Variants in HYDIN observed in about 807,000 individuals in gnomAD.
The protein encoded by HYDIN is HYDIN axonemal central pair apparatus protein, also known as axonemal central pair apparatus protein HYDIN.
Under a neutral mutation model 403.9 loss-of-function variants are expected in HYDIN, and 132 were observed. The ratio of observed to expected loss-of-function variants is 0.33; its 90% CI spans 0.28 to 0.38. The LOEUF (loss-of-function observed/expected upper bound fraction) is 0.38. Among genes scored for constraint, HYDIN ranks in the 10% least tolerant of loss-of-function variants. The pLI is 1.00. For missense variants in HYDIN, 2,827 were observed against 5,009.5 expected, an observed-to-expected ratio of 0.56 and a Z score of 13.15; for synonymous variants, 1,202 against 1,891.7, an observed-to-expected ratio of 0.64 and a Z score of 9.46.
chr16:70,895,903 T>A, intron 54 of HYDIN, 78 bp downstream of exon 54: 1 of 1,483,690 alleles, frequency 6.7e-7, no homozygotes, highest in East Asian at 2.3e-5. Context: ...AACAACACAC[T>A]AGCCTTTCTC....
At chr16:70,930,321 A>C (rs1597349923) in intron 45 of HYDIN, among the ~76,000 whole-genome samples, 1 of 152,244 alleles carries the variant, frequency 6.6e-6, no homozygotes, top group Non-Finnish European at 1.5e-5. Flanking sequence ...TCTCTACTAA[A>C]AATACAAAAA....
chr16:70,812,182 G>T (rs1406837539), intron 84 of HYDIN, among the ~76,000 whole-genome samples: 1 of 112,372 alleles, frequency 8.9e-6, no homozygotes, highest in Non-Finnish European at 1.8e-5. Context: ...TGGGTACAAA[G>T]TCATTATACA....
At chr16:71,178,644 T>A (rs924175373) in intron 4 of HYDIN, among the ~76,000 whole-genome samples, 3 of 151,956 alleles carry the variant, frequency 2.0e-5, no homozygotes, top group Non-Finnish European at 4.4e-5. Context: ...TTGTCATACA[T>A]AAGAACCCCG....
chr16:71,032,638 C>T (rs2080956114), intron 18 of HYDIN, among the ~76,000 whole-genome samples: 1 of 118,586 alleles, frequency 8.4e-6, no homozygotes. Context: ...ACCTGTTGCT[C>T]CTAGGCTGAA....
chr16:71,181,582 G>C (rs2086907468), intron 3 of HYDIN, among the ~76,000 whole-genome samples: 1 of 151,968 alleles, frequency 6.6e-6, no homozygotes, highest in African/African-American at 2.4e-5. Context: ...CTGGCTAATT[G>C]AATTTCTGCC....
In HYDIN at chr16:70,804,860, C is replaced by A. The variant is rs896076152; in HGVS notation, c.*2720G>T. Among the ~76,000 whole-genome samples the A allele has an allele frequency of 4.6e-5, 7 of 152,180 alleles. No homozygotes were observed. The highest frequency in any genetic ancestry group is 1.7e-4 in the African/African-American group (7 of 41,460). On this transcript the variant is annotated 3_prime_UTR_variant, in exon 86 of 86. Coordinates refer to ENST00000393567, the MANE Select transcript of HYDIN (RefSeq NM_001270974.2). ...TTTATAAAATGTATATGGACAGCTT[C>A]AGTGGCTTGGGGAAGCACTGGAACA... is the stretch of plus-strand genomic sequence containing the variant.
intron 78 of HYDIN, 80 bp from the exon 79 acceptor site, chr16:70,834,244 C>A: frequency 1.2e-6 from 1 of 848,026 alleles, no homozygotes; most frequent in South Asian, 1.7e-5. Context: ...CTTGCTGCTG[C>A]GATTGGAACA....
rs545962685 is a variant in HYDIN at position 71,058,864 on chromosome 16, T to A, written c.2529+1640A>T. On this transcript the variant is annotated intron_variant, in intron 18 of 85. Coordinates refer to ENST00000393567, the MANE Select transcript of HYDIN (RefSeq NM_001270974.2). Reference sequence around the variant, plus strand: ...CAACCCCTTCTCTCCCTCCTCCTCCTCAGCCTACTTAATGTGAAGATGATG... The same window carrying A: ...CAACCCCTTCTCTCCCTCCTCCTCCACAGCCTACTTAATGTGAAGATGATG... Among the ~76,000 whole-genome samples the A allele has an allele frequency of 1.2e-4, 18 of 151,964 alleles. No individual in the cohort carries two copies. The East Asian group carries it at 3.5e-3, about 30-fold the overall frequency.
chr16:70,978,093 G>A (rs1207747432), intron 30 of HYDIN, among the ~76,000 whole-genome samples: 1 of 151,776 alleles, frequency 6.6e-6, no homozygotes, highest in African/African-American at 2.4e-5. Flanking sequence ...CTCACATTCG[G>A]TAGCCACGGG....
At position 70,977,581 on chromosome 16, in the gene HYDIN, G is replaced by A. The variant is rs1444992655; in HGVS notation, c.4638+1333C>T. Among the ~76,000 whole-genome samples, 13 of 149,850 alleles carry A rather than the reference G, an allele frequency of 8.7e-5. No homozygotes were observed. In the East Asian group the frequency reaches 1.6e-3, roughly 18 times the overall value. ...TAGAGCCCCCTCTTAACCAACCTAAGGGCTCTCTAGCCACATATATGATTC... is the reference window on the plus strand; with the variant it reads ...TAGAGCCCCCTCTTAACCAACCTAAAGGCTCTCTAGCCACATATATGATTC... On this transcript the variant is annotated intron_variant, in intron 30 of 85. Coordinates refer to ENST00000393567, the MANE Select transcript of HYDIN (RefSeq NM_001270974.2).
rs531286695 is a variant in HYDIN at position 70,804,751 on chromosome 16, C to T, written c.*2829G>A. 5.9e-5 allele frequency among the ~76,000 whole-genome samples: 9 copies of T among 152,302 alleles called. No individual in the cohort carries two copies. The highest frequency in any genetic ancestry group is 8.8e-5 in the Non-Finnish European group (6 of 68,024). On this transcript the variant is annotated 3_prime_UTR_variant, in exon 86 of 86. Coordinates refer to ENST00000393567, the MANE Select transcript of HYDIN (RefSeq NM_001270974.2). ...ACAGCTATGAGGAAGCAGGTCTGAGCGCAGGCTGATCTAGTGATTAATGCT... is the reference window on the plus strand; with the variant it reads ...ACAGCTATGAGGAAGCAGGTCTGAGTGCAGGCTGATCTAGTGATTAATGCT...
chr16:71,084,249 C>T (rs1048587692), intron 12 of HYDIN, among the ~76,000 whole-genome samples: 6 of 151,254 alleles, frequency 4.0e-5, no homozygotes, highest in Non-Finnish European at 7.4e-5. Flanking sequence ...TGACAGTATC[C>T]CCTTTGAAGC....
At chr16:70,953,362 G>A (rs2078131246) in intron 40 of HYDIN, among the ~76,000 whole-genome samples, 1 of 152,186 alleles carries the variant, frequency 6.6e-6, no homozygotes, top group Admixed American at 6.5e-5. Flanking sequence ...AGACAATAAA[G>A]GAGGTAGATC....
intron 41 of HYDIN, among the ~76,000 whole-genome samples, chr16:70,944,603 G>C (rs2077792192): frequency 6.6e-6 from 1 of 152,152 alleles, no homozygotes. Flanking sequence ...CAATGGGGAA[G>C]ACAGTCAGGC....
intron 72 of HYDIN, among the ~76,000 whole-genome samples, chr16:70,857,480 G>A (rs1308786147): frequency 1.6e-5 from 2 of 127,354 alleles, no homozygotes; most frequent in East Asian, 2.2e-4. Context: ...CTTTAACAAG[G>A]CTCCTAAATT....
intron 62 of HYDIN, among the ~76,000 whole-genome samples, chr16:70,878,911 C>A (rs1226039470): frequency 7.0e-6 from 1 of 142,606 alleles, no homozygotes; most frequent in Non-Finnish European, 1.5e-5. Flanking sequence ...AATCAAAATA[C>A]ATTTGAATGC....
chr16:71,125,362 C>T (rs1384673581), intron 9 of HYDIN, among the ~76,000 whole-genome samples: 1 of 152,186 alleles, frequency 6.6e-6, no homozygotes, highest in African/African-American at 2.4e-5. Context: ...TGTTCAGAGC[C>T]AAACTCGTCA....
chr16:71,017,110 C>T (rs781330991), intron 23 of HYDIN, among the ~76,000 whole-genome samples: 4 of 151,034 alleles, frequency 2.6e-5, no homozygotes, highest in Non-Finnish European at 5.9e-5. Context: ...CAGGCCGAGG[C>T]GGGCGGATTA....
chr16:70,942,011 CTTT>C (rs143927561), intron 42 of HYDIN, among the ~76,000 whole-genome samples, 192 bp from the exon 43 acceptor site: 112 of 93,388 alleles, frequency 1.2e-3, no homozygotes, highest in South Asian at 7.8e-3. Context: ...ATCAGCCAGT[CTTT>C]TTTTTTTTTT....
Sources: allele counts gnomAD v4.1 joint callset (sites outside exome capture counted in the v4.1 genomes callset), GRCh38; gene constraint gnomAD v4.1.1; transcripts MANE v1.5; gene names NCBI Gene and HGNC (gene_info 2026-07-23, HGNC 2026-07-21).